Variants in CKAP4 observed in about 807,000 individuals in gnomAD.
CKAP4 encodes cytoskeleton-associated protein 4.
Under a neutral mutation model 24.4 loss-of-function variants are expected in CKAP4, and 20 were observed. That is an observed-to-expected ratio of 0.82 (90% CI 0.58 to 1.19). The LOEUF is 1.19. Among genes scored for constraint, CKAP4 ranks in the 50% most tolerant of loss-of-function variants. The pLI is 0.00. For synonymous variants in CKAP4, 378 were observed against 351.7 expected, an observed-to-expected ratio of 1.07 and a Z score of -0.84; for missense variants, 744 against 765.3, an observed-to-expected ratio of 0.97 and a Z score of 0.33.
chr12:106,247,789 C>A lies in CKAP4; in HGVS notation c.63G>T (p.Lys21Asn). The A allele has an allele frequency of 9.5e-7, 1 of 1,055,216 alleles. No individual in the cohort carries two copies. The highest frequency in any genetic ancestry group is 4.3e-5 in the South Asian group (1 of 23,290). 65.4% of individuals were successfully genotyped at this position (1,055,216 alleles called of 1,614,324 possible). A position where few individuals can be genotyped will look rare whatever the true frequency, so the allele number is the denominator to read the frequency against. Residue 21 changes from lysine to asparagine, a missense_variant, in exon 1 of 2, where the codon AAG becomes AAT. Coordinates refer to ENST00000378026, the MANE Select transcript of CKAP4 (RefSeq NM_006825.4). This position sits in a 1 kb window ranked among gnomAD's most constrained non-coding sequence, Gnocchi z 4.5. ...GGHGAASPSE[K>N]GAHPSGGADD... ...CCGCGCCGCCCGACGGGTGGGCACC[C>A]TTCTCCGAGGGGCTCGCGGCGCCGT...
At chr12:106,244,447 T>C (rs2033990985) in intron 1 of CKAP4, among the ~76,000 whole-genome samples, 1 of 152,196 alleles carries the variant, frequency 6.6e-6, no homozygotes. Flanking sequence ...ACCATAAATA[T>C]GACACATTAA....
intron 1 of CKAP4, among the ~76,000 whole-genome samples, chr12:106,242,209 G>A (rs2033975448): frequency 6.6e-6 from 1 of 152,230 alleles, no homozygotes; most frequent in African/African-American, 2.4e-5. Flanking sequence ...TGAAGATTAA[G>A]TGAATTAATA....
chr12:106,243,006 A>C (rs1304286243), intron 1 of CKAP4, among the ~76,000 whole-genome samples: 2 of 152,238 alleles, frequency 1.3e-5, no homozygotes, highest in Non-Finnish European at 2.9e-5. Context: ...ATCAATATGC[A>C]TTGGAAATAT....
rs1565950208 is a variant in CKAP4 at position 106,247,569 on chromosome 12, A to G, written c.283T>C (p.Ser95Pro). ...CTGCGCGAGCAGGACGCCGAGGACG[A>G]GGCGGCGGCGGCGGCAGCGGCGGCG... Reference protein sequence around the residue: ...ASAAAAAAAASSSASCSRRLG... With the variant: ...ASAAAAAAAAPSSASCSRRLG... Residue 95 changes from serine (S) to proline (P), a missense_variant, in exon 1 of 2, where the codon TCG becomes CCG. Around this residue, in one of 3 missense-constraint regions of CKAP4, gnomAD observed 300 missense variants for 264.5 expected, o/e 1.13. Transcript: ENST00000378026. This position sits in a 1 kb window ranked among gnomAD's most constrained non-coding sequence, Gnocchi z 4.5. 2 of 1,381,150 alleles carry G rather than the reference A, an allele frequency of 1.4e-6. No homozygotes were observed. The highest frequency in any genetic ancestry group is 3.1e-5 in the African/African-American group (2 of 65,272). 85.6% of individuals were successfully genotyped at this position (1,381,150 alleles called of 1,614,324 possible). A position where few individuals can be genotyped will look rare whatever the true frequency, so the allele number is the denominator to read the frequency against.
chr12:106,239,970 G>C lies in CKAP4; in HGVS notation c.863C>G (p.Ala288Gly), dbSNP rs988969873. ...ESEGNKQDLK[A>G]LKEAVKEIQT... The stretch of plus-strand genomic sequence containing the variant: ...TATCTCCTTCACAGCTTCCTTTAAG[G>C]CTTTCAAATCCTGCTTGTTCCCCTC... The change falls in exon 2 of 2, where the codon GCC becomes GGC. Residue 288 changes from alanine to glycine, a missense_variant. Physicochemically the swap from Ala to Gly is moderately conservative, Grantham distance 60. Coordinates refer to ENST00000378026, the MANE Select transcript of CKAP4 (RefSeq NM_006825.4). This position sits in a 1 kb window ranked among gnomAD's most constrained non-coding sequence, Gnocchi z 4.9. 1.9e-6 allele frequency: 3 copies of C among 1,614,098 alleles called. No homozygotes were observed. Among genetic ancestry groups the C allele is most frequent in the Non-Finnish European group, 2.5e-6 (3 of 1,180,026 alleles).
In CKAP4 at chr12:106,238,943, G is replaced by T; in HGVS notation, c.*81C>A. ...AGAGGGGACAAGAAATTGGGGGGTA[G>T]GGGACACATGGGAAAAAACCACACA... On this transcript the variant is annotated 3_prime_UTR_variant, in exon 2 of 2. Transcript: ENST00000378026. 6.7e-7 allele frequency: 1 copy of T among 1,491,500 alleles called. No homozygotes were observed. The highest frequency in any genetic ancestry group is 9.2e-7 in the Non-Finnish European group (1 of 1,092,300). The allele number at this position is 1,491,500 out of a possible 1,614,324, so 92.4% of individuals were successfully genotyped here.
chr12:106,241,434 G>A (rs1343942193), intron 1 of CKAP4, among the ~76,000 whole-genome samples: 2 of 148,930 alleles, frequency 1.3e-5, no homozygotes, highest in South Asian at 2.1e-4. Flanking sequence ...CCGGGTTCAC[G>A]CCATTCTCCT....
intron 1 of CKAP4, among the ~76,000 whole-genome samples, chr12:106,242,199 T>G (rs1462693788): frequency 6.6e-6 from 1 of 152,218 alleles, no homozygotes; most frequent in Non-Finnish European, 1.5e-5. Context: ...ATTGTCTGTA[T>G]GAAGATTAAG....
chr12:106,243,245 G>T (rs2033981924), intron 1 of CKAP4, among the ~76,000 whole-genome samples: 1 of 152,152 alleles, frequency 6.6e-6, no homozygotes, highest in Non-Finnish European at 1.5e-5. Context: ...TCATGAGTTG[G>T]TATCTCCCAG....
intron 1 of CKAP4, among the ~76,000 whole-genome samples, chr12:106,244,434 T>G (rs1383531449): frequency 1.3e-5 from 2 of 152,212 alleles, no homozygotes; most frequent in Non-Finnish European, 2.9e-5. Context: ...ACGTAATAAG[T>G]GCACCATAAA....
intron 1 of CKAP4, 100 bp from the exon 2 acceptor site, chr12:106,240,449 C>G: frequency 7.6e-7 from 1 of 1,309,980 alleles, no homozygotes; most frequent in Non-Finnish European, 1.0e-6. Flanking sequence ...TGTTTTTTTC[C>G]AGAATGTCAC....
At chr12:106,243,779 C>T (rs758134203) in intron 1 of CKAP4, among the ~76,000 whole-genome samples, 17 of 152,162 alleles carry the variant, frequency 1.1e-4, no homozygotes, top group Non-Finnish European at 2.5e-4. Context: ...CACCCAACTC[C>T]AGCTACACAA....
intron 1 of CKAP4, 31 bp from the exon 2 acceptor site, chr12:106,240,380 A>G (rs1288083425): frequency 1.3e-6 from 2 of 1,589,610 alleles, no homozygotes; most frequent in African/African-American, 2.7e-5. Flanking sequence ...TTAATTGCTG[A>G]GAAGAGCTGA....
rs912285888 is a variant in CKAP4 at position 106,239,894 on chromosome 12, G to A, written c.939C>T (p.Thr313=). 1.2e-6 allele frequency: 2 copies of A among 1,612,656 alleles called. No homozygotes were observed. The highest frequency in any genetic ancestry group is 1.7e-5 in the Admixed American group (1 of 59,890). Residue 313 remains threonine, a synonymous_variant, in exon 2 of 2, where the codon ACC becomes ACT. Transcript: ENST00000378026. The surrounding 1 kb of genome is among the most constrained non-coding windows in gnomAD (Gnocchi z 4.9). The part of the protein sequence containing the change: ...REWDMEALRS[T]LQTMESDIYT... The stretch of plus-strand genomic sequence containing the variant: ...AGATGTCAGACTCCATAGTCTGAAG[G>A]GTACTTCTCAGGGCCTCCATGTCCC...
At position 106,247,953 on chromosome 12, in the gene CKAP4, A is replaced by G; in HGVS notation, c.-102T>C. 1.4e-6 allele frequency: 1 copy of G among 722,238 alleles called. No homozygotes were observed. The highest frequency in any genetic ancestry group is 1.7e-6 in the Non-Finnish European group (1 of 586,812). 44.7% of individuals were successfully genotyped at this position (722,238 alleles called of 1,614,324 possible). ...GCTCCCCCGGGACTGGGCGAGCGGC[A>G]CGCGGGCGCTGCTGGCGTCGGAGCG... On this transcript the variant is annotated 5_prime_UTR_variant, in exon 1 of 2. Transcript: ENST00000378026. This position sits in a 1 kb window ranked among gnomAD's most constrained non-coding sequence, Gnocchi z 4.5.
rs2136538398 is a variant in CKAP4 at position 106,247,557 on chromosome 12, A to T, written c.295T>A (p.Ser99Thr). ...GCCCTGCCGAGCCTGCGCGAGCAGG[A>T]CGCCGAGGACGAGGCGGCGGCGGCG... is the stretch of plus-strand genomic sequence containing the variant. Reference protein sequence around the residue: ...AAAAAASSSASCSRRLGRALN... With the variant: ...AAAAAASSSATCSRRLGRALN... The change falls in exon 1 of 2, where the codon TCC (serine) becomes ACC (threonine). Residue 99 changes from serine to threonine, a missense_variant. Ser to Thr is a moderately conservative substitution (Grantham distance 58, BLOSUM62 1). Transcript: ENST00000378026. The surrounding 1 kb of genome is among the most constrained non-coding windows in gnomAD (Gnocchi z 4.5). The T allele has an allele frequency of 7.0e-7, 1 of 1,431,004 alleles. No individual in the cohort carries two copies. Among genetic ancestry groups the T allele is most frequent in the East Asian group, 3.2e-5 (1 of 31,234 alleles). 88.6% of individuals were successfully genotyped at this position (1,431,004 alleles called of 1,614,324 possible). A position where few individuals can be genotyped will look rare whatever the true frequency, so the allele number is the denominator to read the frequency against.
intron 1 of CKAP4, among the ~76,000 whole-genome samples, chr12:106,245,438 CATT>C (rs1459866296): frequency 1.3e-5 from 2 of 152,166 alleles, no homozygotes; most frequent in Admixed American, 1.3e-4. Context: ...AGAGGCTAGT[CATT>C]ATACTCCAGC....
At chr12:106,241,331 C>CTTTTTTTT (rs34135868) in intron 1 of CKAP4, among the ~76,000 whole-genome samples, 1 of 127,520 alleles carries the variant, frequency 7.8e-6, no homozygotes, top group Non-Finnish European at 1.6e-5. Flanking sequence ...GCCAGGGATT[C>CTTTTTTTT]TTTTTTTTTT....
chr12:106,245,516 T>C (rs1171069216), intron 1 of CKAP4: 1 of 151,918 alleles, frequency 6.6e-6, no homozygotes, highest in Non-Finnish European at 1.5e-5. Flanking sequence ...GCCTACTTAA[T>C]TCCCTTAGAA....
Sources: allele counts gnomAD v4.1 joint callset (sites outside exome capture counted in the v4.1 genomes callset), GRCh38; gene constraint gnomAD v4.1.1; regional missense constraint gnomAD v4.1.1; non-coding constraint Gnocchi (gnomAD v3.1); transcripts MANE v1.5; gene names NCBI Gene and HGNC (gene_info 2026-07-23, HGNC 2026-07-21).